CFAP97D2: variants seen among roughly 807,000 people sequenced by gnomAD.
CFAP97D2 encodes the protein CFAP97 domain containing 2, also known as uncharacterized protein CFAP97D2.
chr13:114,207,483 A>G lies in CFAP97D2; in HGVS notation c.291-4429A>G, dbSNP rs1369207717. Among the ~76,000 whole-genome samples the G allele has an allele frequency of 6.6e-6, 1 of 152,048 alleles. No homozygotes were observed. Among genetic ancestry groups the G allele is most frequent in the Non-Finnish European group, 1.5e-5 (1 of 68,022 alleles). ...ACAGATCATCAGGCATTAGATTTTC[A>G]TAAGGAACACGCAGCTTAGATCTCT... On this transcript the variant is annotated intron_variant, in intron 3 of 4. Coordinates refer to ENST00000646158, the Ensembl canonical transcript of CFAP97D2. The surrounding 1 kb of genome is among the most constrained non-coding windows in gnomAD (Gnocchi z 4.9).
At chr13:114,198,806 C>T (rs189818307) in intron 2 of CFAP97D2, among the ~76,000 whole-genome samples, 3 of 66,526 alleles carry the variant, frequency 4.5e-5, no homozygotes, top group African/African-American at 1.4e-4. Context: ...AGTGGGTCCC[C>T]GTGTGTACGG....
At chr13:114,200,514 G>A (rs1245895598) in intron 3 of CFAP97D2, 71 bp downstream of exon 3, 1 of 397,472 alleles carries the variant, frequency 2.5e-6, no homozygotes, top group Non-Finnish European at 4.4e-6. Context: ...GGTTGGGGAT[G>A]AGCAGAAGAG....
chr13:114,210,745 A>AAGCCCAGCTCC (rs2080963067), intron 3 of CFAP97D2, among the ~76,000 whole-genome samples: 1 of 152,000 alleles, frequency 6.6e-6, no homozygotes, highest in African/African-American at 2.4e-5. Context: ...ACCCCAGCTC[A>AAGCCCAGCTCC]AGCCCAGCTC....
At chr13:114,184,599 G>T (rs142895270) in intron 1 of CFAP97D2, among the ~76,000 whole-genome samples, 11 of 152,040 alleles carry the variant, frequency 7.2e-5, no homozygotes, top group Non-Finnish European at 1.5e-4. Context: ...TCCAGAGGAA[G>T]GGAAGCAAGA....
chr13:114,208,407 C>A (rs938617600), intron 3 of CFAP97D2, among the ~76,000 whole-genome samples: 10 of 152,238 alleles, frequency 6.6e-5, no homozygotes, highest in African/African-American at 2.4e-4. Context: ...CACAATTTGA[C>A]AGGCAGCCAA....
chr13:114,214,748 G>A (rs546193278), intron 4 of CFAP97D2, among the ~76,000 whole-genome samples: 21 of 152,118 alleles, frequency 1.4e-4, no homozygotes, highest in Admixed American at 9.8e-4. Flanking sequence ...CACTGCACCC[G>A]GCCATATTTG....
At chr13:114,198,654 T>C (rs372772892) in intron 2 of CFAP97D2, among the ~76,000 whole-genome samples, 1,614 of 94,602 alleles carry the variant, frequency 0.017, 10 homozygotes, top group Middle Eastern at 0.068. Context: ...CGTCCCCGTG[T>C]TTACGGTCCC....
chr13:114,200,649 G>T (rs2080913587), intron 3 of CFAP97D2, among the ~76,000 whole-genome samples: 2 of 152,134 alleles, frequency 1.3e-5, no homozygotes, highest in Non-Finnish European at 1.5e-5. Flanking sequence ...GGCTGTTTCC[G>T]CAACCCACAA....
At chr13:114,205,846 T>G (rs2138776043) in intron 3 of CFAP97D2, among the ~76,000 whole-genome samples, 1 of 152,252 alleles carries the variant, frequency 6.6e-6, no homozygotes, top group East Asian at 1.9e-4. Flanking sequence ...AAACAGGGGC[T>G]GGGCAGAACA....
chr13:114,222,900 G>T, downstream of CFAP97D2: 1 of 206,570 alleles, frequency 4.8e-6, no homozygotes, highest in Non-Finnish European at 9.6e-6. The surrounding 1 kb of genome is among the most constrained non-coding windows in gnomAD (Gnocchi z 4.4). Flanking sequence ...CATGTTAGGA[G>T]GTGAGGGTTT....
intron 3 of CFAP97D2, among the ~76,000 whole-genome samples, chr13:114,206,887 C>T (rs1049863806): frequency 6.6e-6 from 1 of 152,206 alleles, no homozygotes; most frequent in Non-Finnish European, 1.5e-5. Context: ...GGCAAGGGAC[C>T]AGGGTCACTG....
chr13:114,182,014 C>T (rs1453243658), intron 1 of CFAP97D2, among the ~76,000 whole-genome samples: 7 of 152,064 alleles, frequency 4.6e-5, no homozygotes, highest in Non-Finnish European at 7.4e-5. Context: ...AGAGAAATAA[C>T]AGTGGGCCCA....
intron 3 of CFAP97D2, among the ~76,000 whole-genome samples, chr13:114,201,671 A>G (rs1178515825): frequency 1.3e-5 from 2 of 152,230 alleles, no homozygotes; most frequent in Non-Finnish European, 2.9e-5. Context: ...CCATTCTTTA[A>G]CAAAGGACAC....
In CFAP97D2 at chr13:114,189,948, C is replaced by T. The variant is rs182098141; in HGVS notation, c.91-6448C>T. 5.3e-5 allele frequency among the ~76,000 whole-genome samples: 8 copies of T among 152,106 alleles called. No individual in the cohort carries two copies. Among genetic ancestry groups the T allele is most frequent in the Admixed American group, 1.3e-4 (2 of 15,262 alleles). ...CTTGAGCCCAGGAGTTTGAGAACAG[C>T]TTGAGCAACATAGCAAGACCCCATC... is the stretch of plus-strand genomic sequence containing the variant. On this transcript the variant is annotated intron_variant, in intron 1 of 4. Transcript: ENST00000646158. This position sits in a 1 kb window ranked among gnomAD's most constrained non-coding sequence, Gnocchi z 4.5.
chr13:114,192,242 T>C (rs1217001152), intron 1 of CFAP97D2, among the ~76,000 whole-genome samples: 1 of 152,132 alleles, frequency 6.6e-6, no homozygotes, highest in Admixed American at 6.5e-5. Context: ...GTAATTATGA[T>C]GTGTCAATGT....
At chr13:114,205,080 A>G (rs999340090) in intron 3 of CFAP97D2, among the ~76,000 whole-genome samples, 1 of 152,208 alleles carries the variant, frequency 6.6e-6, no homozygotes, top group African/African-American at 2.4e-5. Flanking sequence ...GATACTTAGC[A>G]TCATTCATCA....
intron 3 of CFAP97D2, among the ~76,000 whole-genome samples, chr13:114,204,798 C>T (rs1451290685): frequency 2.6e-5 from 4 of 152,024 alleles, no homozygotes; most frequent in African/African-American, 9.7e-5. Flanking sequence ...GCACCAAAAG[C>T]AGGAATGACA....
At chr13:114,205,841 G>A (rs548378285) in intron 3 of CFAP97D2, among the ~76,000 whole-genome samples, 1 of 152,278 alleles carries the variant, frequency 6.6e-6, no homozygotes, top group South Asian at 2.1e-4. Flanking sequence ...TCCATAAACA[G>A]GGGCTGGGCA....
chr13:114,201,304 C>T (rs1374694245), intron 3 of CFAP97D2, among the ~76,000 whole-genome samples: 1 of 152,176 alleles, frequency 6.6e-6, no homozygotes, highest in Non-Finnish European at 1.5e-5. Flanking sequence ...TCCGGAAGTG[C>T]TTGAACCTTT....
Sources: allele counts gnomAD v4.1 joint callset (sites outside exome capture counted in the v4.1 genomes callset), GRCh38; gene constraint gnomAD v4.1.1; non-coding constraint Gnocchi (gnomAD v3.1); transcripts MANE v1.5; gene names NCBI Gene and HGNC (gene_info 2026-07-23, HGNC 2026-07-21).